Variants in DIPK2B observed in about 807,000 individuals in gnomAD.
The protein encoded by DIPK2B is divergent protein kinase domain 2B, also known as UPF0672 protein CXorf36.
Under a neutral mutation model 22.2 loss-of-function variants are expected in DIPK2B, and 15 were observed. The ratio of observed to expected loss-of-function variants is 0.68; its 90% confidence interval spans 0.45 to 1.04. The LOEUF (loss-of-function observed/expected upper bound fraction) is 1.04. Ranked by LOEUF, DIPK2B falls within the 50% of genes least tolerant of loss-of-function variation. The probability of loss-of-function intolerance (pLI) is 0.00; values close to 1 mark genes in which losing one functional copy is unlikely to be tolerated. For synonymous variants in DIPK2B, 163 were observed against 153.2 expected (o/e 1.06, Z -0.47); for missense variants, 345 against 348.3 (o/e 0.99, Z 0.08).
chrX:45,152,056 T>C (rs960083007), intron 4 of DIPK2B, 64 bp from the exon 5 acceptor site: 2 of 1,025,365 alleles, frequency 2.0e-6, no homozygotes, highest in South Asian at 4.7e-5. Flanking sequence ...AGGGCACCAC[T>C]AATTAGAATT....
At chrX:45,180,604 A>T (rs1424398192) in intron 2 of DIPK2B, among the ~76,000 whole-genome samples, 2 of 112,017 alleles carry the variant, frequency 1.8e-5, no homozygotes, top group African/African-American at 6.5e-5. Flanking sequence ...TTCAAAAAAA[A>T]TCTATAGCAA....
intron 2 of DIPK2B, 199 bp downstream of exon 2, chrX:45,191,552 G>A (rs1287832500): frequency 2.2e-6 from 1 of 460,344 alleles, no homozygotes; most frequent in African/African-American, 2.4e-5. Flanking sequence ...AGAAATGACA[G>A]TGGGATGGAA....
Position 45,151,751 on chromosome X carries a change from C to T in DIPK2B, c.1203G>A (p.Gly401=). 1.7e-6 allele frequency: 2 copies of T among 1,211,880 alleles called. No homozygotes were observed. Among genetic ancestry groups the T allele is most frequent in the Non-Finnish European group, 2.2e-6 (2 of 895,461 alleles). ...AGATGTCTTTCAGCTGGCTGGCGGC[C>T]CCAAGGACTTCTGGGTCTGGGCGGA... is the stretch of plus-strand genomic sequence containing the variant. The part of the protein sequence containing the change: ...DSIRPDPEVL[G]AASQLKDILR... The change falls in exon 5 of 5, where the codon GGG becomes GGA. Residue 401 remains glycine, a synonymous_variant. Transcript: ENST00000398000.
chrX:45,153,856 C>A lies in DIPK2B; in HGVS notation c.961+54G>T. ...ACCCCTGGCCACCCCTCCCTAGCTC[C>A]TGTCACCCTGACTTTCCCTCTGACA... On this transcript the variant is annotated intron_variant, in intron 4 of 4. Coordinates refer to ENST00000398000, the MANE Select transcript of DIPK2B (RefSeq NM_176819.4). 4 of 1,125,664 alleles carry A rather than the reference C, an allele frequency of 3.6e-6. No homozygotes were observed. In the South Asian group the frequency reaches 8.0e-5, roughly 23 times the overall value. The allele number at this position is 1,125,664 out of a possible 1,213,427, so 92.8% of individuals were successfully genotyped here.
At chrX:45,157,549 C>A (rs1490216067) in intron 3 of DIPK2B, among the ~76,000 whole-genome samples, 166 bp downstream of exon 3, 2 of 111,642 alleles carry the variant, frequency 1.8e-5, no homozygotes, top group Non-Finnish European at 3.8e-5. Flanking sequence ...TCTACAGCAG[C>A]CACAGCACTT....
In DIPK2B at chrX:45,173,481, C is replaced by T. The variant is rs191075232; in HGVS notation, c.499-15593G>A. ...AGAAGCTCCTGGTACACTGAACATC[C>T]TTTTTCTTTCTTTCCTTCTTTCTTT... On this transcript the variant is annotated intron_variant, in intron 2 of 4. Coordinates refer to ENST00000398000, the MANE Select transcript of DIPK2B (RefSeq NM_176819.4). Among the ~76,000 whole-genome samples the T allele has an allele frequency of 2.0e-3, 220 of 109,744 alleles. No individual in the cohort carries two copies. In the Middle Eastern group the frequency reaches 0.024, roughly 12 times the overall value.
intron 1 of DIPK2B, 123 bp downstream of exon 1, chrX:45,200,471 A>T: frequency 2.9e-6 from 2 of 686,706 alleles, no homozygotes; most frequent in Non-Finnish European, 4.4e-6. Flanking sequence ...CACTCTGATT[A>T]AATGGATTTG....
At chrX:45,200,292 G>A (rs947283576) in intron 1 of DIPK2B, among the ~76,000 whole-genome samples, 2 of 111,258 alleles carry the variant, frequency 1.8e-5, no homozygotes, top group Admixed American at 1.9e-4. Context: ...TTTATTTCCC[G>A]CCCACTGTGA....
Sources: allele counts gnomAD v4.1 joint callset (sites outside exome capture counted in the v4.1 genomes callset), GRCh38; gene constraint gnomAD v4.1.1; transcripts MANE v1.5; gene names NCBI Gene and HGNC (gene_info 2026-07-23, HGNC 2026-07-21).